Variants in NKAIN2 observed in about 807,000 individuals in gnomAD.
NKAIN2 encodes the protein sodium/potassium-transporting ATPase subunit beta-1-interacting protein 2.
A neutral mutation model predicts 32.6 loss-of-function variants in NKAIN2; 14 were observed. The ratio of observed to expected loss-of-function variants is 0.43; its 90% CI spans 0.28 to 0.67. NKAIN2 has a LOEUF of 0.67. NKAIN2 is among the 30% of genes least tolerant of loss of function. The pLI is 0.17. For synonymous variants in NKAIN2, 80 were observed against 87.2 expected (o/e 0.92, Z 0.46); for missense variants, 198 against 258.3 (o/e 0.77, Z 1.60).
rs1243294500 is a variant in NKAIN2 at position 124,457,663 on chromosome 6, C to G, written c.273+102316C>G. Among the ~76,000 whole-genome samples the G allele has an allele frequency of 1.3e-5, 2 of 151,930 alleles. 1 individual carries two copies. The highest frequency in any genetic ancestry group is 2.9e-5 in the Non-Finnish European group (2 of 67,912). Reference sequence around the variant, plus strand: ...ATAAACAGAACTTGATTTCTGAAGTCACTCCACAGGATACACATTATTAAC... The same window carrying G: ...ATAAACAGAACTTGATTTCTGAAGTGACTCCACAGGATACACATTATTAAC... On this transcript the variant is annotated intron_variant, in intron 3 of 6. Coordinates refer to ENST00000368417, the MANE Select transcript of NKAIN2 (RefSeq NM_001040214.3).
chr6:124,486,232 C>T (rs1449282703), intron 3 of NKAIN2, among the ~76,000 whole-genome samples: 2 of 152,104 alleles, frequency 1.3e-5, no homozygotes, highest in South Asian at 4.1e-4. Context: ...CGTCTGTCTC[C>T]TCAACAACAG....
intron 1 of NKAIN2, among the ~76,000 whole-genome samples, chr6:124,106,291 C>T (rs1017009577): frequency 1.1e-4 from 17 of 151,996 alleles, no homozygotes; most frequent in East Asian, 5.8e-4. Context: ...AAATTGATGA[C>T]GTGACAACCT....
At position 124,504,548 on chromosome 6, in the gene NKAIN2, C is replaced by T. The variant is rs539001096; in HGVS notation, c.273+149201C>T. The stretch of plus-strand genomic sequence containing the variant: ...ACTCACATTTTATTGTTTCTCAACA[C>T]TGAATTCTAAATTCTAAAACAAGAC... On this transcript the variant is annotated intron_variant, in intron 3 of 6. Coordinates refer to ENST00000368417, the MANE Select transcript of NKAIN2 (RefSeq NM_001040214.3). Among the ~76,000 whole-genome samples, 9 of 152,278 alleles carry T rather than the reference C, an allele frequency of 5.9e-5. No individual in the cohort carries two copies. In the South Asian group the frequency reaches 1.9e-3, roughly 32 times the overall value.
chr6:124,025,058 T>A (rs1781043459), intron 1 of NKAIN2, among the ~76,000 whole-genome samples: 1 of 152,092 alleles, frequency 6.6e-6, no homozygotes, highest in Admixed American at 6.6e-5. Flanking sequence ...TATGCATGCA[T>A]TGTATAACTA....
intron 4 of NKAIN2, among the ~76,000 whole-genome samples, chr6:124,690,750 C>G (rs759694701): frequency 2.6e-5 from 4 of 152,150 alleles, no homozygotes; most frequent in Non-Finnish European, 5.9e-5. Context: ...CCACTGCTGT[C>G]TCATCACATC....
At chr6:124,409,099 A>G (rs948017865) in intron 3 of NKAIN2, among the ~76,000 whole-genome samples, 1 of 152,154 alleles carries the variant, frequency 6.6e-6, no homozygotes, top group Non-Finnish European at 1.5e-5. Context: ...GTGGGCTGAG[A>G]CAATGGGGTT....
rs533947828 is a variant in NKAIN2, at chr6:124,500,470, G to C, written c.273+145123G>C. ...TTGAGACTAGCCTGGCCAACATGGT[G>C]AAACCCCATCTCCACTAACAAAAAA... On this transcript the variant is annotated intron_variant, in intron 3 of 6. Transcript: ENST00000368417. 6.6e-5 allele frequency among the ~76,000 whole-genome samples: 10 copies of C among 152,098 alleles called. No individual in the cohort carries two copies. The East Asian group carries it at 1.2e-3, about 18-fold the overall frequency.
chr6:124,728,735 CA>C (rs1287331740), intron 4 of NKAIN2, among the ~76,000 whole-genome samples: 1 of 150,112 alleles, frequency 6.7e-6, no homozygotes, highest in Non-Finnish European at 1.5e-5. Context: ...AATAGAGACA[CA>C]AAAAACCCTT....
intron 1 of NKAIN2, among the ~76,000 whole-genome samples, chr6:123,999,175 G>A (rs1377550203): frequency 1.3e-5 from 2 of 152,086 alleles, no homozygotes; most frequent in East Asian, 3.9e-4. Flanking sequence ...ACATCATTTG[G>A]GTATAAGGTG....
In NKAIN2 at chr6:124,412,149, G is replaced by A. The variant is rs1250820276; in HGVS notation, c.273+56802G>A. ...GAACTTCCTCCTTTAGCTCGGAGTA[G>A]TTCGATCTTCTGAAGCCTTCTCTCA... On this transcript the variant is annotated intron_variant, in intron 3 of 6. Coordinates refer to ENST00000368417, the MANE Select transcript of NKAIN2 (RefSeq NM_001040214.3). Among the ~76,000 whole-genome samples the A allele has an allele frequency of 2.0e-5, 3 of 152,060 alleles. No homozygotes were observed. In the East Asian group the frequency reaches 5.8e-4, roughly 29 times the overall value.
In NKAIN2 at chr6:124,192,704, A is replaced by T. The variant is rs144327219; in HGVS notation, c.55-90301A>T. Among the ~76,000 whole-genome samples the T allele has an allele frequency of 2.9e-5, 4 of 136,266 alleles. No individual in the cohort carries two copies. The East Asian group carries it at 6.7e-4, about 23-fold the overall frequency. The allele number at this position is 136,266 out of a possible 152,430, so 89.4% of individuals were successfully genotyped here. A position where few individuals can be genotyped will look rare whatever the true frequency, so the allele number is the denominator to read the frequency against. ...TTCTGAGAGGATTTTAATACTACCA[A>T]TTGTGGTGTTGTCTATTTCTCTCCT... is the stretch of plus-strand genomic sequence containing the variant. On this transcript the variant is annotated intron_variant, in intron 1 of 6. Coordinates refer to ENST00000368417, the MANE Select transcript of NKAIN2 (RefSeq NM_001040214.3).
intron 2 of NKAIN2, among the ~76,000 whole-genome samples, chr6:124,293,326 T>G (rs943573325): frequency 2.8e-4 from 42 of 152,192 alleles, no homozygotes; most frequent in African/African-American, 9.6e-4. Flanking sequence ...TTCTTTTTTT[T>G]GATTGCTATA....
chr6:124,458,548 T>TA (rs1776409465), intron 3 of NKAIN2, among the ~76,000 whole-genome samples: 1 of 151,900 alleles, frequency 6.6e-6, no homozygotes, highest in Non-Finnish European at 1.5e-5. Context: ...ATACCATACT[T>TA]ACTATTATTA....
At chr6:124,539,932 G>A (rs2114841845) in intron 3 of NKAIN2, among the ~76,000 whole-genome samples, 1 of 152,278 alleles carries the variant, frequency 6.6e-6, no homozygotes, top group Admixed American at 6.5e-5. Flanking sequence ...TGTTGCCCAG[G>A]CTGGTCTCGA....
intron 1 of NKAIN2, among the ~76,000 whole-genome samples, chr6:124,110,840 A>G (rs1046628241): frequency 5.3e-5 from 8 of 152,094 alleles, no homozygotes; most frequent in Non-Finnish European, 2.9e-5. Context: ...TATTGTGAAT[A>G]GCGCTGAGAT....
chr6:124,084,069 G>A (rs1784089700), intron 1 of NKAIN2, among the ~76,000 whole-genome samples: 3 of 152,008 alleles, frequency 2.0e-5, no homozygotes, highest in Non-Finnish European at 4.4e-5. Flanking sequence ...AGGGGAGGTA[G>A]TGATTTTAGA....
chr6:124,073,064 G>A (rs1275899120), intron 1 of NKAIN2, among the ~76,000 whole-genome samples: 1 of 152,172 alleles, frequency 6.6e-6, no homozygotes, highest in Admixed American at 6.6e-5. Flanking sequence ...ACCCATGGAG[G>A]GAAGCAGGGT....
rs528138131 is a variant in NKAIN2 at position 124,278,496 on chromosome 6, T to G, written c.55-4509T>G. On this transcript the variant is annotated intron_variant, in intron 1 of 6. Coordinates refer to ENST00000368417, the MANE Select transcript of NKAIN2 (RefSeq NM_001040214.3). ...GAAAACTTTTTCAGCTTAAGCATACTCTGCTATATTAACAATTACCATTAA... is the reference window on the plus strand; with the variant it reads ...GAAAACTTTTTCAGCTTAAGCATACGCTGCTATATTAACAATTACCATTAA... Among the ~76,000 whole-genome samples, 3 of 151,742 alleles carry G rather than the reference T, an allele frequency of 2.0e-5. No homozygotes were observed. The South Asian group carries it at 6.2e-4, about 32-fold the overall frequency.
At chr6:124,634,529 T>A (rs536885020) in intron 3 of NKAIN2, among the ~76,000 whole-genome samples, 1 of 152,210 alleles carries the variant, frequency 6.6e-6, no homozygotes. Context: ...AAAAGGAGTC[T>A]TTTGAAATAA....
Sources: gnomAD v4.1 joint callset for allele counts (sites outside exome capture counted in the v4.1 genomes callset) on GRCh38, gnomAD v4.1.1 for gene constraint, MANE v1.5 for transcripts, NCBI Gene and HGNC (gene_info 2026-07-23, HGNC 2026-07-21) for gene names.